The following RBFOX1 variants were observed in gnomAD, a reference collection of about 807,000 sequenced individuals.
The protein encoded by RBFOX1 is RNA binding protein fox-1 homolog 1.
Under a neutral mutation model 57.7 loss-of-function variants are expected in RBFOX1, and 8 were observed. The ratio of observed to expected loss-of-function variants is 0.14; its 90% CI spans 0.08 to 0.25. The LOEUF (loss-of-function observed/expected upper bound fraction) is 0.25. Among genes scored for constraint, RBFOX1 ranks in the 10% least tolerant of loss-of-function variants. The probability of loss-of-function intolerance (pLI) is 1.00; values close to 1 mark genes in which losing one functional copy is unlikely to be tolerated. For synonymous variants in RBFOX1, 326 were observed against 222.4 expected (o/e 1.47, Z -4.15); for missense variants, 611 against 548.5 (o/e 1.11, Z -1.14).
At chr16:6,413,882 A>C (rs1596855436) in intron 2 of RBFOX1, among the ~76,000 whole-genome samples, 1 of 152,298 alleles carries the variant, frequency 6.6e-6, no homozygotes, top group East Asian at 1.9e-4. Flanking sequence ...AGTTCAGGAG[A>C]CAAAGAGGAA....
At chr16:6,777,132 A>G (rs1411030036) in intron 3 of RBFOX1, among the ~76,000 whole-genome samples, 2 of 152,064 alleles carry the variant, frequency 1.3e-5, no homozygotes, top group Admixed American at 6.6e-5. Context: ...GTGGTCTTGT[A>G]TGCGATGTGC....
At chr16:6,459,089 A>T (rs897191735) in intron 2 of RBFOX1, among the ~76,000 whole-genome samples, 2 of 152,230 alleles carry the variant, frequency 1.3e-5, no homozygotes, top group Non-Finnish European at 2.9e-5. Flanking sequence ...TAATCCCAGC[A>T]CTTTGGGAGG....
chr16:7,139,856 G>A (rs2073189949), intron 4 of RBFOX1, among the ~76,000 whole-genome samples: 2 of 152,090 alleles, frequency 1.3e-5, no homozygotes, highest in Non-Finnish European at 2.9e-5. Flanking sequence ...GAGGAATTGA[G>A]GAGGAAGCTA....
At chr16:6,300,460 A>G (rs148638578) in intron 1 of RBFOX1, among the ~76,000 whole-genome samples, 1 of 152,152 alleles carries the variant, frequency 6.6e-6, no homozygotes, top group Non-Finnish European at 1.5e-5. Context: ...TTAAAGAATA[A>G]AAAGAAATCC....
At chr16:7,123,214 G>A (rs1421795640) in intron 4 of RBFOX1, among the ~76,000 whole-genome samples, 1 of 152,018 alleles carries the variant, frequency 6.6e-6, no homozygotes. Flanking sequence ...CCAAATAAAT[G>A]CAAGCCCATA....
intron 4 of RBFOX1, among the ~76,000 whole-genome samples, chr16:7,402,411 T>C (rs948737668): frequency 5.3e-5 from 8 of 152,232 alleles, no homozygotes; most frequent in African/African-American, 1.9e-4. Context: ...ATATCATCTT[T>C]GAAAAGTGGT....
At chr16:6,634,851 T>G (rs2098419253) in intron 2 of RBFOX1, among the ~76,000 whole-genome samples, 1 of 139,720 alleles carries the variant, frequency 7.2e-6, no homozygotes, top group Non-Finnish European at 1.5e-5. Context: ...TTATATATAA[T>G]ACTTTAAATT....
chr16:5,541,074 C>T (rs35205028), intron 2 of RBFOX1, among the ~76,000 whole-genome samples: 63,657 of 151,744 alleles, frequency 0.42, 13,725 homozygotes, highest in Non-Finnish European at 0.44. Flanking sequence ...GATCTCGAAC[C>T]CCTGGCCTCA....
In RBFOX1 at chr16:7,597,446, G is replaced by A; in HGVS notation, c.622+15G>A. 1 of 1,579,516 alleles carries A rather than the reference G, an allele frequency of 6.3e-7. No individual in the cohort carries two copies. The highest frequency in any genetic ancestry group is 8.7e-7 in the Non-Finnish European group (1 of 1,154,612). ...TTATACAAATGGTAAGTAGAGATTGGCCTTTTACAAGAAATTCTCTCTACT... is the reference window on the plus strand; with the variant it reads ...TTATACAAATGGTAAGTAGAGATTGACCTTTTACAAGAAATTCTCTCTACT... On this transcript the variant is annotated intron_variant, in intron 9 of 15. Coordinates refer to ENST00000550418, the MANE Select transcript of RBFOX1 (RefSeq NM_018723.4).
intron 1 of RBFOX1, among the ~76,000 whole-genome samples, chr16:6,111,976 A>G (rs2096451746): frequency 6.6e-6 from 1 of 152,212 alleles, no homozygotes; most frequent in South Asian, 2.1e-4. Context: ...TTATTAAAGG[A>G]TCGCTAAAAC....
intron 3 of RBFOX1, among the ~76,000 whole-genome samples, chr16:5,632,732 C>T (rs775175219): frequency 1.1e-4 from 16 of 152,174 alleles, no homozygotes; most frequent in Admixed American, 3.3e-4. Context: ...TGAGCACTTA[C>T]TGTCCCGCAC....
intron 3 of RBFOX1, among the ~76,000 whole-genome samples, chr16:6,856,939 G>A (rs1001622812): frequency 5.9e-5 from 9 of 152,250 alleles, no homozygotes; most frequent in East Asian, 1.9e-4. Context: ...GAAAGAAAAC[G>A]AACGGAGGGA....
At chr16:5,328,977 C>A (rs899284930) in intron 1 of RBFOX1, among the ~76,000 whole-genome samples, 2 of 152,208 alleles carry the variant, frequency 1.3e-5, no homozygotes, top group Non-Finnish European at 1.5e-5. Context: ...TCTCATAAAT[C>A]TGTCTCTTGG....
In RBFOX1 at chr16:6,585,283, A is replaced by T. The variant is rs555313655; in HGVS notation, c.-63-69320A>T. ...TTTATCGTCATGTAGGTGTGAAACAAGAGGTACATTTGCAGGGCTGCCATG... is the reference window on the plus strand; with the variant it reads ...TTTATCGTCATGTAGGTGTGAAACATGAGGTACATTTGCAGGGCTGCCATG... On this transcript the variant is annotated intron_variant, in intron 2 of 15. Transcript: ENST00000550418. 1.1e-4 allele frequency among the ~76,000 whole-genome samples: 17 copies of T among 152,252 alleles called. 2 individuals carry two copies. The South Asian group carries it at 3.3e-3, about 30-fold the overall frequency.
chr16:5,845,241 G>A (rs1008615975), intron 3 of RBFOX1, among the ~76,000 whole-genome samples: 1 of 152,050 alleles, frequency 6.6e-6, no homozygotes, highest in African/African-American at 2.4e-5. Context: ...CCCTCAGCCA[G>A]CACTTCAAAG....
chr16:7,510,512 GGCGCGCGCGCACGCGCGCA>G (rs2074772318), intron 4 of RBFOX1, among the ~76,000 whole-genome samples: 1 of 130,134 alleles, frequency 7.7e-6, no homozygotes, highest in Non-Finnish European at 1.7e-5. Context: ...TGTGTGTGTG[GGCGCGCGCGCACGCGCGCA>G]CGCGCGCTTT....
intron 2 of RBFOX1, among the ~76,000 whole-genome samples, chr16:5,474,420 G>A (rs567782289): frequency 1.3e-5 from 2 of 152,250 alleles, no homozygotes; most frequent in African/African-American, 2.4e-5. Context: ...TTGGGAGGCC[G>A]AGGTGGGCAG....
chr16:7,195,116 A>C (rs185374364), intron 4 of RBFOX1, among the ~76,000 whole-genome samples: 1 of 152,238 alleles, frequency 6.6e-6, no homozygotes. Flanking sequence ...CAACACCCTT[A>C]AGTCTGTCAA....
chr16:5,327,198 C>A (rs1209747059), intron 1 of RBFOX1, among the ~76,000 whole-genome samples: 1 of 146,670 alleles, frequency 6.8e-6, no homozygotes, highest in Non-Finnish European at 1.5e-5. Context: ...GTGTGTAGAT[C>A]CCCTGCATCA....
Sources: gnomAD v4.1 joint callset for allele counts (sites outside exome capture counted in the v4.1 genomes callset) on GRCh38, gnomAD v4.1.1 for gene constraint, MANE v1.5 for transcripts, NCBI Gene and HGNC (gene_info 2026-07-23, HGNC 2026-07-21) for gene names.